The following FRY variants were observed in gnomAD, a reference collection of about 807,000 sequenced individuals.
The protein encoded by FRY is FRY microtubule binding protein.
A neutral mutation model predicts 348.4 loss-of-function variants in FRY; 128 were observed. The ratio of observed to expected loss-of-function variants is 0.37; its 90% CI spans 0.32 to 0.43. FRY has a LOEUF of 0.43. Among genes scored for constraint, FRY ranks in the 20% least tolerant of loss-of-function variants. The pLI is 1.00. For synonymous variants in FRY, 1,370 were observed against 1,374.7 expected, an observed-to-expected ratio of 1.00 and a Z score of 0.08; for missense variants, 2,736 against 3,695.2, an observed-to-expected ratio of 0.74 and a Z score of 6.73.
At chr13:32,134,799 G>T (rs1204891729) in intron 8 of FRY, 105 bp from the exon 9 acceptor site, 9 of 795,034 alleles carry the variant, frequency 1.1e-5, no homozygotes, top group South Asian at 9.4e-5. Context: ...ATGCTCTGTT[G>T]ATACATGATT....
chr13:32,209,813 G>C, intron 33 of FRY, 82 bp downstream of exon 33: 7 of 1,345,148 alleles, frequency 5.2e-6, no homozygotes, highest in East Asian at 2.3e-5. Context: ...TGTGCTCTTT[G>C]CTCCAGCTAA....
At position 32,231,270 on chromosome 13, in the gene FRY, G is replaced by A. The variant is rs746843324; in HGVS notation, c.5497G>A (p.Val1833Ile). The A allele has an allele frequency of 2.4e-5, 39 of 1,613,216 alleles. No individual in the cohort carries two copies. The highest frequency in any genetic ancestry group is 1.6e-4 in the Middle Eastern group (1 of 6,084). The change falls in exon 41 of 61, where the codon GTT becomes ATT. Residue 1833 changes from valine (V) to isoleucine (I), a missense_variant. Val to Ile is a conservative substitution (Grantham distance 29). Coordinates refer to ENST00000542859, the MANE Select transcript of FRY (RefSeq NM_023037.3). ...ACAGCTCACTAATTTTCTACGTCACGTTGTATCTGTATTTAAAGATTCCAA... is the reference window on the plus strand; with the variant it reads ...ACAGCTCACTAATTTTCTACGTCACATTGTATCTGTATTTAAAGATTCCAA... ...AEQLTNFLRH[V>I]VSVFKDSKSG...
At chr13:32,247,784 C>A (rs1198178728) in intron 48 of FRY, among the ~76,000 whole-genome samples, 1 of 152,112 alleles carries the variant, frequency 6.6e-6, no homozygotes, top group East Asian at 1.9e-4. Context: ...CATTTTAAAC[C>A]ATGACCTTCA....
intron 1 of FRY, among the ~76,000 whole-genome samples, chr13:32,050,860 T>G (rs1191841409): frequency 6.6e-6 from 1 of 152,234 alleles, no homozygotes; most frequent in East Asian, 1.9e-4. Context: ...TTGTAAACCT[T>G]ACACCTGTAC....
At chr13:32,118,301 TA>T (rs1462741591) in intron 4 of FRY, among the ~76,000 whole-genome samples, 9 of 152,192 alleles carry the variant, frequency 5.9e-5, no homozygotes, top group African/African-American at 2.2e-4. Context: ...TTATTCCAAT[TA>T]AAAAAATACT....
intron 11 of FRY, 97 bp from the exon 12 acceptor site, chr13:32,147,185 G>T: frequency 1.4e-6 from 1 of 737,756 alleles, no homozygotes; most frequent in Non-Finnish European, 2.5e-6. Context: ...CATCCACCTG[G>T]AGCTTGCCTT....
chr13:32,269,551 G>A (rs570655155), intron 55 of FRY, among the ~76,000 whole-genome samples: 15 of 152,284 alleles, frequency 9.9e-5, no homozygotes, highest in African/African-American at 2.2e-4. Flanking sequence ...TTAGCCAGGC[G>A]TGATGGGGCA....
intron 17 of FRY, among the ~76,000 whole-genome samples, chr13:32,165,454 G>T (rs988637864): frequency 1.3e-5 from 2 of 152,154 alleles, no homozygotes; most frequent in Non-Finnish European, 2.9e-5. Flanking sequence ...ATAGATGGGG[G>T]TTCATTCTTT....
intron 40 of FRY, among the ~76,000 whole-genome samples, chr13:32,229,384 T>G (rs952728695): frequency 6.6e-6 from 1 of 152,216 alleles, no homozygotes; most frequent in African/African-American, 2.4e-5. Context: ...TTATCTAATA[T>G]CTCATGTGAT....
At chr13:32,094,922 C>T (rs1266164526) in intron 2 of FRY, among the ~76,000 whole-genome samples, 4 of 152,276 alleles carry the variant, frequency 2.6e-5, no homozygotes, top group South Asian at 2.1e-4. Context: ...GAGAAACCTC[C>T]GAACTGTTCT....
chr13:32,109,719 G>C (rs1335286075), intron 3 of FRY, among the ~76,000 whole-genome samples: 1 of 152,050 alleles, frequency 6.6e-6, no homozygotes, highest in Non-Finnish European at 1.5e-5. Context: ...ACTATACTTG[G>C]GGGCAGAAGA....
In FRY at chr13:32,147,263, A is replaced by G. The variant is rs543306893; in HGVS notation, c.1180-19A>G. On this transcript the variant is annotated intron_variant, in intron 11 of 60. Transcript: ENST00000542859. Reference sequence around the variant, plus strand: ...TCACTATTTACATCTGCAGTCTTACATCTTGGTTTCTGTTATAGAACAAAG... The same window carrying G: ...TCACTATTTACATCTGCAGTCTTACGTCTTGGTTTCTGTTATAGAACAAAG... 6 of 1,435,416 alleles carry G rather than the reference A, an allele frequency of 4.2e-6. 1 individual carries two copies. The South Asian group carries it at 6.9e-5, about 16-fold the overall frequency. 88.9% of individuals were successfully genotyped at this position (1,435,416 alleles called of 1,614,324 possible).
intron 2 of FRY, among the ~76,000 whole-genome samples, chr13:32,088,212 T>G (rs1876015290): frequency 6.6e-6 from 1 of 152,168 alleles, no homozygotes; most frequent in Non-Finnish European, 1.5e-5. Context: ...ACAGACCAAA[T>G]AAGGGAAATA....
intron 41 of FRY, among the ~76,000 whole-genome samples, 159 bp downstream of exon 41, chr13:32,231,459 T>C (rs1885912056): frequency 6.6e-6 from 1 of 152,244 alleles, no homozygotes. Flanking sequence ...AGATGCTGCC[T>C]AACTGCATGG....
At chr13:32,106,973 T>C (rs1399555284) in intron 3 of FRY, among the ~76,000 whole-genome samples, 2 of 152,200 alleles carry the variant, frequency 1.3e-5, no homozygotes, top group African/African-American at 4.8e-5. Flanking sequence ...AAACTTCATG[T>C]TTTCTTTTAT....
At chr13:32,269,972 A>G (rs1888123650) in intron 55 of FRY, among the ~76,000 whole-genome samples, 1 of 152,196 alleles carries the variant, frequency 6.6e-6, no homozygotes, top group Admixed American at 6.5e-5. Context: ...CTGAAAACCT[A>G]GTAGAAACTT....
intron 1 of FRY, among the ~76,000 whole-genome samples, chr13:32,050,066 T>C (rs769022757): frequency 1.3e-5 from 2 of 152,244 alleles, no homozygotes; most frequent in Non-Finnish European, 2.9e-5. Context: ...GTATAGCTGC[T>C]ATGTAAAGCC....
At chr13:32,231,599 G>A (rs1436930534) in intron 41 of FRY, among the ~76,000 whole-genome samples, 1 of 152,136 alleles carries the variant, frequency 6.6e-6, no homozygotes, top group Admixed American at 6.5e-5. Flanking sequence ...AAGGCTATGA[G>A]GAATAAATCT....
At chr13:32,048,436 A>G (rs375213046) in intron 1 of FRY, among the ~76,000 whole-genome samples, 2 of 152,356 alleles carry the variant, frequency 1.3e-5, no homozygotes, top group African/African-American at 4.8e-5. Flanking sequence ...TATGTCCATG[A>G]AAAGAAAAGT....
Sources: gnomAD v4.1 joint callset for allele counts (sites outside exome capture counted in the v4.1 genomes callset) on GRCh38, gnomAD v4.1.1 for gene constraint, MANE v1.5 for transcripts, NCBI Gene and HGNC (gene_info 2026-07-23, HGNC 2026-07-21) for gene names.